Variants in NAT10 observed in about 807,000 individuals in gnomAD.
NAT10 encodes the protein N-acetyltransferase 10.
NAT10 carries 109 observed loss-of-function variants against 132.2 expected under a neutral mutation model. The ratio of observed to expected loss-of-function variants is 0.82; its 90% CI spans 0.71 to 0.97. The LOEUF is 0.97. Among genes scored for constraint, NAT10 ranks in the 50% least tolerant of loss-of-function variants. NAT10 has a pLI of 0.00. For synonymous variants in NAT10, 479 were observed against 478.0 expected, an observed-to-expected ratio of 1.00 and a Z score of -0.03; for missense variants, 1,184 against 1,263.4, an observed-to-expected ratio of 0.94 and a Z score of 0.95.
intron 4 of NAT10, among the ~76,000 whole-genome samples, chr11:34,113,414 G>A (rs568609652): frequency 6.6e-6 from 1 of 152,064 alleles, no homozygotes; most frequent in Admixed American, 6.5e-5. Flanking sequence ...ACCCCTGTGT[G>A]TGTATCCTGG....
intron 1 of NAT10, among the ~76,000 whole-genome samples, chr11:34,106,638 A>G (rs888556642): frequency 2.6e-5 from 4 of 152,170 alleles, no homozygotes; most frequent in African/African-American, 9.7e-5. Context: ...AAGGTTTACA[A>G]GTTGGGAAGA....
intron 28 of NAT10, among the ~76,000 whole-genome samples, chr11:34,145,641 G>C (rs996335433): frequency 6.6e-6 from 1 of 152,126 alleles, no homozygotes; most frequent in Non-Finnish European, 1.5e-5. Context: ...AGTATGGCAG[G>C]GTTTTCCTTG....
chr11:34,139,312 G>A (rs1257789135), intron 22 of NAT10, 25 bp downstream of exon 22: 1 of 1,613,352 alleles, frequency 6.2e-7, no homozygotes, highest in Non-Finnish European at 8.5e-7. Flanking sequence ...GGGGTTTGGG[G>A]GAGACAATGA....
At chr11:34,113,966 G>A in intron 5 of NAT10, 128 bp downstream of exon 5, 1 of 1,130,812 alleles carries the variant, frequency 8.8e-7, no homozygotes, top group South Asian at 1.8e-5. Context: ...TGGGCTAAGA[G>A]CTCTTTGATT....
intron 4 of NAT10, 141 bp downstream of exon 4, chr11:34,112,364 C>T (rs1851710873): frequency 3.0e-6 from 3 of 1,003,294 alleles, no homozygotes; most frequent in Non-Finnish European, 4.3e-6. Flanking sequence ...TAGTGGAAGT[C>T]CTGGCCACTT....
At chr11:34,112,023 C>T in intron 3 of NAT10, 29 bp from the exon 4 acceptor site, 1 of 1,612,460 alleles carries the variant, frequency 6.2e-7, no homozygotes, top group Non-Finnish European at 8.5e-7. Flanking sequence ...TTAACTGGCT[C>T]TCATGGGATT....
At position 34,127,618 on chromosome 11, in the gene NAT10, G is replaced by C; in HGVS notation, c.1244+19G>C. On this transcript the variant is annotated intron_variant, in intron 12 of 28. Coordinates refer to ENST00000257829, the MANE Select transcript of NAT10 (RefSeq NM_024662.3). ...TCAATGGGTAAGGTACTGTGGGCAG[G>C]AGTCCTTACTCCCGTGGCAGGCTCT... is the stretch of plus-strand genomic sequence containing the variant. 6.3e-7 allele frequency: 1 copy of C among 1,594,972 alleles called. No homozygotes were observed. The highest frequency in any genetic ancestry group is 8.6e-7 in the Non-Finnish European group (1 of 1,165,490).
At position 34,146,237 on chromosome 11, in the gene NAT10, C is replaced by G. The variant is rs1478631883; in HGVS notation, c.*45C>G. 15 of 1,381,310 alleles carry G rather than the reference C, an allele frequency of 1.1e-5. No individual in the cohort carries two copies. Among genetic ancestry groups the G allele is most frequent in the African/African-American group, 2.9e-5 (2 of 68,988 alleles). 85.6% of individuals were successfully genotyped at this position (1,381,310 alleles called of 1,614,324 possible). A position where few individuals can be genotyped will look rare whatever the true frequency, so the allele number is the denominator to read the frequency against. ...CTGTGTTTGATCATGGGAAGATACT[C>G]TCACTAACTGAACCCTCTCTGGCTG... On this transcript the variant is annotated 3_prime_UTR_variant, in exon 29 of 29. Transcript: ENST00000257829.
chr11:34,133,971 T>G (rs1035693182), intron 16 of NAT10, among the ~76,000 whole-genome samples: 1 of 146,728 alleles, frequency 6.8e-6, no homozygotes, highest in Non-Finnish European at 1.5e-5. Context: ...GCTAACACGG[T>G]GAAACCCCTT....
chr11:34,107,656 GGT>G (rs1396639946), intron 1 of NAT10, among the ~76,000 whole-genome samples: 1 of 152,160 alleles, frequency 6.6e-6, no homozygotes, highest in Admixed American at 6.5e-5. Context: ...GGCCCAGCAT[GGT>G]GGCTCACACC....
Position 34,122,557 on chromosome 11 carries a change from C to T in NAT10, c.879C>T (p.Ala293=). ...CTCGAGGACGGGGAAAATCTGCAGC[C>T]CTGGGATTGGCGATTGCTGGGGCGG... ...TAARGRGKSA[A]LGLAIAGAVA... is the part of the protein sequence containing the mutation. Residue 293 remains alanine, a synonymous_variant, in exon 9 of 29, where the codon GCC becomes GCT. Coordinates refer to ENST00000257829, the MANE Select transcript of NAT10 (RefSeq NM_024662.3). 5 of 1,614,098 alleles carry T rather than the reference C, an allele frequency of 3.1e-6. No homozygotes were observed. Among genetic ancestry groups the T allele is most frequent in the South Asian group, 1.1e-5 (1 of 91,072 alleles).
chr11:34,129,625 T>TTG (rs1852068224), intron 12 of NAT10, among the ~76,000 whole-genome samples: 1 of 101,780 alleles, frequency 9.8e-6, no homozygotes, highest in African/African-American at 3.8e-5. Context: ...TTTTTTTTTT[T>TTG]GAGACAGACT....
chr11:34,139,919 G>A (rs1316816671), intron 23 of NAT10, among the ~76,000 whole-genome samples: 1 of 151,902 alleles, frequency 6.6e-6, no homozygotes, highest in African/African-American at 2.4e-5. Flanking sequence ...AACAAAAAAT[G>A]TGTAAGAGAT....
Position 34,140,502 on chromosome 11 carries a change from T to C in NAT10, c.2522T>C (p.Met841Thr). 6.2e-7 allele frequency: 1 copy of C among 1,614,194 alleles called. No homozygotes were observed. The highest frequency in any genetic ancestry group is 8.5e-7 in the Non-Finnish European group (1 of 1,180,040). ...NMVDYHLIMD[M>T]IPAISRIYFL... is the part of the protein sequence containing the mutation. ...GTGGACTATCACCTCATCATGGACA[T>C]GATCCCGGCCATCTCTCGCATCTAT... Residue 841 changes from methionine (M) to threonine (T), a missense_variant, in exon 24 of 29, where the codon ATG (methionine) becomes ACG (threonine). Transcript: ENST00000257829.
At chr11:34,120,888 G>A (rs1851880874) in intron 8 of NAT10, among the ~76,000 whole-genome samples, 2 of 152,224 alleles carry the variant, frequency 1.3e-5, no homozygotes, top group South Asian at 4.1e-4. Context: ...TGATTTTGGA[G>A]CCAAGCCATG....
chr11:34,118,457 C>T lies in NAT10; in HGVS notation c.734C>T (p.Thr245Ile), dbSNP rs1851823391. The T allele has an allele frequency of 3.7e-6, 6 of 1,613,992 alleles. No homozygotes were observed. Among genetic ancestry groups the T allele is most frequent in the African/African-American group, 1.3e-5 (1 of 74,906 alleles). ...LRELKESLQD[T>I]QPVGVLVDCC... ...GAGTTGAAGGAGAGCTTGCAGGACA[C>T]CCAGCCTGTGGGTGTGTTGGTGGAC... The change falls in exon 8 of 29, where the codon ACC becomes ATC. Residue 245 changes from threonine to isoleucine, a missense_variant. Coordinates refer to ENST00000257829, the MANE Select transcript of NAT10 (RefSeq NM_024662.3).
In NAT10 at chr11:34,108,323, G is replaced by GAAA. The variant is rs139367378; in HGVS notation, c.100_102dup (p.Lys34dup). 2.1e-4 allele frequency: 340 copies of GAAA among 1,613,400 alleles called. 2 individuals carry two copies. The African/African-American group carries it at 4.0e-3, about 19-fold the overall frequency. ...CTCTTTGTTGTAGTTGGGGATCGAG[G>GAAA]AAAAGATCAGGTATGGCCTGGTAAA... On this transcript the variant is annotated inframe_insertion, in exon 2 of 29. Coordinates refer to ENST00000257829, the MANE Select transcript of NAT10 (RefSeq NM_024662.3).
chr11:34,119,786 T>A (rs1291658859), intron 8 of NAT10, among the ~76,000 whole-genome samples: 1 of 152,190 alleles, frequency 6.6e-6, no homozygotes, highest in South Asian at 2.1e-4. Flanking sequence ...GTTAGACATT[T>A]CGATTGATTC....
Position 34,136,787 on chromosome 11 carries a change from C to A in NAT10, c.2162+12C>A, listed in dbSNP as rs768483677. 4.0e-5 allele frequency: 64 copies of A among 1,614,034 alleles called. No individual in the cohort carries two copies. The highest frequency in any genetic ancestry group is 5.1e-5 in the Non-Finnish European group (60 of 1,180,036). ...CCCAGGCTCCTCAAGTAAGTGCCTGCCCTCCTTCCACGGCATCACTCCTTG... is the reference window on the plus strand; with the variant it reads ...CCCAGGCTCCTCAAGTAAGTGCCTGACCTCCTTCCACGGCATCACTCCTTG... On this transcript the variant is annotated intron_variant, in intron 20 of 28. Transcript: ENST00000257829.
Sources: allele counts gnomAD v4.1 joint callset (sites outside exome capture counted in the v4.1 genomes callset), GRCh38; gene constraint gnomAD v4.1.1; transcripts MANE v1.5; gene names NCBI Gene and HGNC (gene_info 2026-07-23, HGNC 2026-07-21).